The following CHML variants were observed in gnomAD, a reference collection of about 807,000 sequenced individuals.
The protein encoded by CHML is CHM like Rab escort protein.
Under a neutral mutation model 30.4 loss-of-function variants are expected in CHML, and 20 were observed. The observed-to-expected ratio is 0.66, with a 90% CI of 0.46 to 0.95. The LOEUF (loss-of-function observed/expected upper bound fraction) is 0.95, where lower values mean the gene tolerates loss of function less well. Among genes scored for constraint, CHML ranks in the 40% least tolerant of loss-of-function variants. The pLI is 0.00. For synonymous variants in CHML, 281 were observed against 275.0 expected (o/e 1.02, Z -0.22); for missense variants, 795 against 768.5 (o/e 1.03, Z -0.41).
At position 241,630,022 on chromosome 1, in the gene CHML, G is replaced by C. The variant is rs991579845; in HGVS notation, c.*3774C>G. ...CAGCAACCAGTTGGAATGTTAAATG[G>C]AACTGTAGTAAATTTCATACTAATG... On this transcript the variant is annotated 3_prime_UTR_variant, in exon 2 of 2. Coordinates refer to ENST00000366553, the MANE Select transcript of CHML (RefSeq NM_001381853.1). 2.0e-5 allele frequency: 3 copies of C among 151,978 alleles called. No individual in the cohort carries two copies. The highest frequency in any genetic ancestry group is 7.2e-5 in the African/African-American group (3 of 41,400). 9.4% of individuals were successfully genotyped at this position (151,978 alleles called of 1,614,324 possible).
rs761785944 is a variant in CHML, at chr1:241,634,004, T to G, written c.1763A>C (p.His588Pro). The G allele has an allele frequency of 1.9e-6, 3 of 1,613,958 alleles. No homozygotes were observed. The South Asian group carries it at 3.3e-5, about 18-fold the overall frequency. The stretch of plus-strand genomic sequence containing the variant: ...AAGTGTTTCAGCTTGCTTGACAGCA[T>G]GCTCATTTCCCAGGCCACAGTCAGG... ...SGPDCGLGNE[H>P]AVKQAETLFQ... The change falls in exon 2 of 2, where the codon CAT becomes CCT. Residue 588 changes from histidine to proline, a missense_variant. Physicochemically the swap from His to Pro is moderately conservative, Grantham distance 77. Transcript: ENST00000366553.
In CHML at chr1:241,632,075, T is replaced by C. The variant is rs1664656335; in HGVS notation, c.*1721A>G. 6.6e-6 allele frequency: 1 copy of C among 152,150 alleles called. No individual in the cohort carries two copies. The highest frequency in any genetic ancestry group is 1.5e-5 in the Non-Finnish European group (1 of 68,014). The allele number at this position is 152,150 out of a possible 1,614,324, so 9.4% of individuals were successfully genotyped here. ...TTGTAGCTCCTATAATTCCCACGTGTTGTGGGAGGAACCTGGTGGGAGATA... is the reference window on the plus strand; with the variant it reads ...TTGTAGCTCCTATAATTCCCACGTGCTGTGGGAGGAACCTGGTGGGAGATA... On this transcript the variant is annotated 3_prime_UTR_variant, in exon 2 of 2. Coordinates refer to ENST00000366553, the MANE Select transcript of CHML (RefSeq NM_001381853.1).
rs901109461 is a variant in CHML, at chr1:241,631,903, G to A, written c.*1893C>T. 6.6e-6 allele frequency: 1 copy of A among 152,122 alleles called. No homozygotes were observed. Among genetic ancestry groups the A allele is most frequent in the Non-Finnish European group, 1.5e-5 (1 of 68,000 alleles). The allele number at this position is 152,122 out of a possible 1,614,324, so 9.4% of individuals were successfully genotyped here. On this transcript the variant is annotated 3_prime_UTR_variant, in exon 2 of 2. Transcript: ENST00000366553. ...CTCTAACAGTGAATGTTAGTAGAAA[G>A]ATCAAAGGTTTTAGAATCACAAAAG...
At chr1:241,638,094 C>A (rs186606764) in intron 1 of CHML, among the ~76,000 whole-genome samples, 1 of 152,154 alleles carries the variant, frequency 6.6e-6, no homozygotes, top group Middle Eastern at 3.2e-3. Flanking sequence ...ACTTGCCCCC[C>A]AGGGCTTAAG....
In CHML at chr1:241,633,874, A is replaced by G; in HGVS notation, c.1893T>C (p.Asn631=). The G allele has an allele frequency of 6.2e-7, 1 of 1,613,848 alleles. No homozygotes were observed. Among genetic ancestry groups the G allele is most frequent in the South Asian group, 1.1e-5 (1 of 91,066 alleles). Residue 631 remains asparagine (N), a synonymous_variant, in exon 2 of 2, where the codon AAT becomes AAC. Transcript: ENST00000366553. ...DDKQPEAPGT[N]NVVMAKLESS... is the part of the protein sequence containing the mutation. Reference sequence around the variant, plus strand: ...ATTCTAGTTTGGCCATTACTACATTATTGGTTCCAGGAGCCTCTGGCTGCT... The same window carrying G: ...ATTCTAGTTTGGCCATTACTACATTGTTGGTTCCAGGAGCCTCTGGCTGCT...
Position 241,634,688 on chromosome 1 carries a change from G to A in CHML, c.1079C>T (p.Thr360Ile). The A allele has an allele frequency of 1.2e-6, 2 of 1,614,020 alleles. No individual in the cohort carries two copies. The highest frequency in any genetic ancestry group is 1.7e-6 in the Non-Finnish European group (2 of 1,179,894). The change falls in exon 2 of 2, where the codon ACT (threonine) becomes ATT (isoleucine). Residue 360 changes from threonine (T) to isoleucine (I), a missense_variant. Coordinates refer to ENST00000366553, the MANE Select transcript of CHML (RefSeq NM_001381853.1). The stretch of plus-strand genomic sequence containing the variant: ...TCCGAGACACTGAAGGAAGTTTTTA[G>A]TTGCGTTAAGACCATCTATTGTAGT... ...SCTTIDGLNA[T>I]KNFLQCLGRF... is the part of the protein sequence containing the mutation.
chr1:241,636,028 A>G lies in CHML; in HGVS notation c.-262T>C, dbSNP rs750747599. On this transcript the variant is annotated 5_prime_UTR_variant, in exon 2 of 2. Transcript: ENST00000366553. The stretch of plus-strand genomic sequence containing the variant: ...CATTTCTGCATTTCATCTTAGCAGT[A>G]AATGTCAAAATGCATCATATATGCA... 2.1e-6 allele frequency: 1 copy of G among 479,078 alleles called. No individual in the cohort carries two copies. Among genetic ancestry groups the G allele is most frequent in the Non-Finnish European group, 3.7e-6 (1 of 273,234 alleles). The allele number at this position is 479,078 out of a possible 1,614,324, so 29.7% of individuals were successfully genotyped here.
In CHML at chr1:241,633,888, C is replaced by T. The variant is rs763138761; in HGVS notation, c.1879G>A (p.Ala627Thr). 1.2e-6 allele frequency: 2 copies of T among 1,613,828 alleles called. No homozygotes were observed. Among genetic ancestry groups the T allele is most frequent in the Non-Finnish European group, 1.7e-6 (2 of 1,179,778 alleles). Reference sequence around the variant, plus strand: ...ATTACTACATTATTGGTTCCAGGAGCCTCTGGCTGCTTATCATCACCATCA... The same window carrying T: ...ATTACTACATTATTGGTTCCAGGAGTCTCTGGCTGCTTATCATCACCATCA... Reference protein sequence around the residue: ...IFDGDDKQPEAPGTNNVVMAK... With the variant: ...IFDGDDKQPETPGTNNVVMAK... Residue 627 changes from alanine (A) to threonine (T), a missense_variant, in exon 2 of 2, where the codon GCT becomes ACT. By Grantham distance (58) the Ala-to-Thr change is moderately conservative (BLOSUM62 0). Coordinates refer to ENST00000366553, the MANE Select transcript of CHML (RefSeq NM_001381853.1).
At position 241,635,217 on chromosome 1, in the gene CHML, C is replaced by T; in HGVS notation, c.550G>A (p.Asp184Asn). ...GAAACTGTGTGCATACAAGTTTTAT[C>T]TCCACAATACTTTTCCTTCTCCACT... The part of the protein sequence containing the change: ...ESVEKEKYCG[D>N]KTCMHTVSDK... The change falls in exon 2 of 2, where the codon GAT (aspartate) becomes AAT (asparagine). Residue 184 changes from aspartate to asparagine, a missense_variant. Coordinates refer to ENST00000366553, the MANE Select transcript of CHML (RefSeq NM_001381853.1). 1.2e-6 allele frequency: 2 copies of T among 1,613,422 alleles called. No homozygotes were observed. Among genetic ancestry groups the T allele is most frequent in the Non-Finnish European group, 1.7e-6 (2 of 1,179,856 alleles).
chr1:241,639,063 C>T (rs1352290608), intron 1 of CHML: 1 of 152,196 alleles, frequency 6.6e-6, no homozygotes. Flanking sequence ...TTCAAAACAT[C>T]ATGTCTCAGT....
In CHML at chr1:241,639,862, C is replaced by G. The variant is rs1057194033; in HGVS notation, c.-308+20G>C. 5.9e-6 allele frequency: 9 copies of G among 1,516,728 alleles called. No individual in the cohort carries two copies. The highest frequency in any genetic ancestry group is 6.2e-6 in the Non-Finnish European group (7 of 1,129,610). 94.0% of individuals were successfully genotyped at this position (1,516,728 alleles called of 1,614,324 possible). A position where few individuals can be genotyped will look rare whatever the true frequency, so the allele number is the denominator to read the frequency against. On this transcript the variant is annotated intron_variant, in intron 1 of 1. Transcript: ENST00000366553. Reference sequence around the variant, plus strand: ...TGGAAGTTTGCAGAGGGGAGGCTGCCTTCTCCCAGTCCAACTCACCGAAGA... The same window carrying G: ...TGGAAGTTTGCAGAGGGGAGGCTGCGTTCTCCCAGTCCAACTCACCGAAGA...
At chr1:241,639,815 G>C (rs2148034457) in intron 1 of CHML, 67 bp downstream of exon 1, 1 of 1,366,640 alleles carries the variant, frequency 7.3e-7, no homozygotes, top group Non-Finnish European at 9.5e-7. Context: ...CGGACGCACG[G>C]AGCGGGCAGC....
rs1405052830 is a variant in CHML, at chr1:241,631,558, T to C, written c.*2238A>G. The C allele has an allele frequency of 6.6e-6, 1 of 152,160 alleles. No individual in the cohort carries two copies. The highest frequency in any genetic ancestry group is 1.5e-5 in the Non-Finnish European group (1 of 68,002). 9.4% of individuals were successfully genotyped at this position (152,160 alleles called of 1,614,324 possible). A position where few individuals can be genotyped will look rare whatever the true frequency, so the allele number is the denominator to read the frequency against. On this transcript the variant is annotated 3_prime_UTR_variant, in exon 2 of 2. Coordinates refer to ENST00000366553, the MANE Select transcript of CHML (RefSeq NM_001381853.1). ...TGACTTTGCTACTTTAAGTAAGTTGTCAATTACTTAAATCTGTCTAGTCTC... is the reference window on the plus strand; with the variant it reads ...TGACTTTGCTACTTTAAGTAAGTTGCCAATTACTTAAATCTGTCTAGTCTC...
At position 241,633,998 on chromosome 1, in the gene CHML, A is replaced by G. The variant is rs1664760604; in HGVS notation, c.1769T>C (p.Val590Ala). ...PDCGLGNEHA[V>A]KQAETLFQEI... ...CTGGAAAAGTGTTTCAGCTTGCTTG[A>G]CAGCATGCTCATTTCCCAGGCCACA... Residue 590 changes from valine to alanine, a missense_variant, in exon 2 of 2, where the codon GTC (valine) becomes GCC (alanine). Coordinates refer to ENST00000366553, the MANE Select transcript of CHML (RefSeq NM_001381853.1). The G allele has an allele frequency of 6.2e-7, 1 of 1,613,848 alleles. No individual in the cohort carries two copies. Among genetic ancestry groups the G allele is most frequent in the African/African-American group, 1.3e-5 (1 of 74,910 alleles).
chr1:241,639,043 T>C (rs1018134658), intron 1 of CHML: 2 of 152,244 alleles, frequency 1.3e-5, no homozygotes, highest in African/African-American at 2.4e-5. Context: ...TGCTGAGTTG[T>C]TGATCATCCT....
At position 241,640,155 on chromosome 1, in the gene CHML, G is replaced by A. The variant is rs750177944; in HGVS notation, c.-581C>T. The A allele has an allele frequency of 1.6e-5, 24 of 1,523,524 alleles. 1 individual carries two copies. The Admixed American group carries it at 3.4e-4, about 22-fold the overall frequency. The allele number at this position is 1,523,524 out of a possible 1,614,324, so 94.4% of individuals were successfully genotyped here. On this transcript the variant is annotated 5_prime_UTR_variant, in exon 1 of 2. Coordinates refer to ENST00000366553, the MANE Select transcript of CHML (RefSeq NM_001381853.1). The stretch of plus-strand genomic sequence containing the variant: ...TCGTAGGTGCCGGGGCTGAAGAGGG[G>A]CGCGGGGCTCAGTGTCCCCGCCGGC...
At position 241,629,418 on chromosome 1, in the gene CHML, T is replaced by G. The variant is rs189659118; in HGVS notation, c.*4378A>C. On this transcript the variant is annotated 3_prime_UTR_variant, in exon 2 of 2. Transcript: ENST00000366553. The stretch of plus-strand genomic sequence containing the variant: ...TAAGTCAAAGTTGCATTTTTAATAT[T>G]AGGAAATTTGAATACCATTCAAATT... The G allele has an allele frequency of 2.0e-5, 3 of 152,132 alleles. No individual in the cohort carries two copies. Among genetic ancestry groups the G allele is most frequent in the Non-Finnish European group, 4.4e-5 (3 of 67,968 alleles). 9.4% of individuals were successfully genotyped at this position (152,132 alleles called of 1,614,324 possible).
At position 241,635,722 on chromosome 1, in the gene CHML, C is replaced by G. The variant is rs754374303; in HGVS notation, c.45G>C (p.Gly15=). 3 of 1,613,918 alleles carry G rather than the reference C, an allele frequency of 1.9e-6. No homozygotes were observed. Among genetic ancestry groups the G allele is most frequent in the Non-Finnish European group, 2.5e-6 (3 of 1,179,876 alleles). The stretch of plus-strand genomic sequence containing the variant: ...CAAGGATGGATTCGGGCAAACCTGT[C>G]CCTATTATAACCACATCAAACTCTG... The part of the protein sequence containing the change: ...LPTEFDVVII[G]TGLPESILAA... The change falls in exon 2 of 2, where the codon GGG becomes GGC. Residue 15 remains glycine, a synonymous_variant. Coordinates refer to ENST00000366553, the MANE Select transcript of CHML (RefSeq NM_001381853.1).
In CHML at chr1:241,635,501, A is replaced by G; in HGVS notation, c.266T>C (p.Leu89Pro). The G allele has an allele frequency of 1.2e-6, 2 of 1,613,894 alleles. No homozygotes were observed. The highest frequency in any genetic ancestry group is 8.5e-7 in the Non-Finnish European group (1 of 1,179,922). Residue 89 changes from leucine (L) to proline (P), a missense_variant, in exon 2 of 2, where the codon CTT becomes CCT. Leu to Pro is a moderately conservative substitution (Grantham distance 98). Transcript: ENST00000366553. ...TTGAATAGTTTCATCCTTCTTGCGA[A>G]GAGTGATGGCTTCTTCTGTTTCATG... The part of the protein sequence containing the change: ...LIHETEEAIT[L>P]RKKDETIQHT...
Sources: gnomAD v4.1 joint callset for allele counts (sites outside exome capture counted in the v4.1 genomes callset) on GRCh38, gnomAD v4.1.1 for gene constraint, MANE v1.5 for transcripts, NCBI Gene and HGNC (gene_info 2026-07-23, HGNC 2026-07-21) for gene names.